GRM7: variants seen among roughly 807,000 people sequenced by gnomAD.
GRM7 encodes metabotropic glutamate receptor 7.
In GRM7, 35 loss-of-function variants were observed where a neutral mutation model predicts 84.5. The ratio of observed to expected loss-of-function variants is 0.41; its 90% confidence interval spans 0.32 to 0.55. GRM7 has a LOEUF of 0.55. GRM7 is among the 20% of genes least tolerant of loss of function. The pLI, the probability that GRM7 is intolerant of heterozygous loss-of-function variation, is 0.19. For missense variants in GRM7, 1,003 were observed against 1,194.6 expected, an observed-to-expected ratio of 0.84 and a Z score of 2.36; for synonymous variants, 487 against 455.1, an observed-to-expected ratio of 1.07 and a Z score of -0.89.
intron 1 of GRM7, among the ~76,000 whole-genome samples, chr3:6,885,781 A>C (rs1259897001): frequency 2.0e-5 from 3 of 152,366 alleles, no homozygotes; most frequent in East Asian, 3.9e-4. Flanking sequence ...TTGTAGCAGC[A>C]ACCTCATCTT....
chr3:6,933,293 C>G (rs1697574046), intron 1 of GRM7, among the ~76,000 whole-genome samples: 1 of 152,080 alleles, frequency 6.6e-6, no homozygotes, highest in Non-Finnish European at 1.5e-5. Context: ...GTTCATTCTC[C>G]TTGACTCAAT....
chr3:7,309,473 C>A (rs899162063), intron 4 of GRM7, among the ~76,000 whole-genome samples: 1 of 152,076 alleles, frequency 6.6e-6, no homozygotes, highest in Non-Finnish European at 1.5e-5. Context: ...TTCAAATATT[C>A]ATGATACTGC....
intron 2 of GRM7, among the ~76,000 whole-genome samples, chr3:7,253,642 A>G (rs1308055280): frequency 6.8e-6 from 1 of 146,296 alleles, no homozygotes; most frequent in Non-Finnish European, 1.5e-5. Flanking sequence ...AAAAAAAATC[A>G]CTAAATTCTC....
rs544625367 is a variant in GRM7, at chr3:7,361,771, G to A, written c.1034-53252G>A. 1.1e-4 allele frequency among the ~76,000 whole-genome samples: 16 copies of A among 152,226 alleles called. 1 individual carries two copies. The East Asian group carries it at 3.1e-3, about 29-fold the overall frequency. On this transcript the variant is annotated intron_variant, in intron 4 of 9. Transcript: ENST00000357716. ...ACAGAAAGTGAAGCAGCTCTTGAAT[G>A]TAAGAACTAATGGGTATTTTCTTCT...
chr3:7,589,974 C>G lies in GRM7; in HGVS notation c.2451+10617C>G, dbSNP rs184244473. ...TCATACAGGTCTAAAAAAAACCTGA[C>G]TAGTAGATGTACTGAAACAGCAACT... is the stretch of plus-strand genomic sequence containing the variant. On this transcript the variant is annotated intron_variant, in intron 8 of 9. Coordinates refer to ENST00000357716, the MANE Select transcript of GRM7 (RefSeq NM_000844.4). 1.5e-3 allele frequency among the ~76,000 whole-genome samples: 221 copies of G among 152,208 alleles called. 1 individual carries two copies. Among genetic ancestry groups the G allele is most frequent in the African/African-American group, 4.8e-3 (200 of 41,518 alleles).
At chr3:7,625,327 T>A (rs114047214) in intron 8 of GRM7, among the ~76,000 whole-genome samples, 1,622 of 151,960 alleles carry the variant, frequency 0.011, 29 homozygotes, top group African/African-American at 0.037. Flanking sequence ...AATTTAAAGT[T>A]CACAGTCTAG....
intron 7 of GRM7, among the ~76,000 whole-genome samples, chr3:7,545,243 T>C (rs1051318888): frequency 6.6e-6 from 1 of 152,382 alleles, no homozygotes; most frequent in South Asian, 2.1e-4. Context: ...CCTCTTTTTA[T>C]CTCTAACCTA....
chr3:7,543,643 T>C (rs2125017806), intron 7 of GRM7, among the ~76,000 whole-genome samples: 1 of 152,372 alleles, frequency 6.6e-6, no homozygotes, highest in African/African-American at 2.4e-5. Flanking sequence ...GAAAGATCCA[T>C]ACTTCTGATT....
At chr3:7,526,515 C>CA (rs763448593) in intron 7 of GRM7, among the ~76,000 whole-genome samples, 48 of 151,858 alleles carry the variant, frequency 3.2e-4, no homozygotes, top group Non-Finnish European at 6.2e-4. Context: ...TTTTGCTGTG[C>CA]AAAAGTTCTT....
chr3:7,256,122 T>G (rs1344778803), intron 2 of GRM7, among the ~76,000 whole-genome samples: 1 of 152,150 alleles, frequency 6.6e-6, no homozygotes, highest in Non-Finnish European at 1.5e-5. Flanking sequence ...GTCTGGTGTT[T>G]CCTCTCATTG....
chr3:7,302,931 A>ATTTTTTTTTTTTTTTTTTTTTTT lies in GRM7; in HGVS notation c.879-3565_879-3543dup, dbSNP rs761399796. Among the ~76,000 whole-genome samples, 18 of 121,934 alleles carry ATTTTTTTTTTTTTTTTTTTTTTT rather than the reference A, an allele frequency of 1.5e-4. 1 individual carries two copies. Among genetic ancestry groups the ATTTTTTTTTTTTTTTTTTTTTTT allele is most frequent in the African/African-American group, 2.9e-4 (8 of 27,184 alleles). 80.0% of individuals were successfully genotyped at this position (121,934 alleles called of 152,430 possible). On this transcript the variant is annotated intron_variant, in intron 3 of 9. Transcript: ENST00000357716. ...AGAAGTATTAACATTTGATTGTTCTATTTTTTTTTTTTTTTTTTTTTTTTG... is the reference window on the plus strand; with the variant it reads ...AGAAGTATTAACATTTGATTGTTCTATTTTTTTTTTTTTTTTTTTTTTTTTTTTTTTTTTTTTTTTTTTTTTTG...
chr3:7,125,193 G>A (rs1006465562), intron 1 of GRM7, among the ~76,000 whole-genome samples: 6 of 152,050 alleles, frequency 3.9e-5, no homozygotes, highest in Middle Eastern at 3.2e-3. Context: ...GCCTCTCTTG[G>A]CCTCCTAAGT....
At chr3:7,617,438 A>C (rs946874270) in intron 8 of GRM7, among the ~76,000 whole-genome samples, 3 of 151,622 alleles carry the variant, frequency 2.0e-5, no homozygotes, top group African/African-American at 7.2e-5. Context: ...ACAGCTAGAT[A>C]AAACAGCTAA....
chr3:7,596,738 A>G (rs1371652578), intron 8 of GRM7, among the ~76,000 whole-genome samples: 2 of 152,102 alleles, frequency 1.3e-5, no homozygotes, highest in Non-Finnish European at 2.9e-5. Context: ...GCCTGGCTAG[A>G]GTGGTGCTAG....
At chr3:7,468,183 G>A (rs936013258) in intron 7 of GRM7, among the ~76,000 whole-genome samples, 3 of 152,100 alleles carry the variant, frequency 2.0e-5, no homozygotes, top group African/African-American at 7.2e-5. Flanking sequence ...TATTACATGA[G>A]GTATGTAATA....
intron 7 of GRM7, among the ~76,000 whole-genome samples, chr3:7,473,483 CGAGAGGGAGAGAGAGAGAGAGAGAGAGA>C (rs1698788308): frequency 1.5e-5 from 1 of 66,192 alleles, no homozygotes; most frequent in Non-Finnish European, 3.2e-5. Context: ...CTCTTAAAAA[CGAGAGGGAGAGAGAGAGAGAGAGAGAGA>C]GAGAGAGAGA....
intron 6 of GRM7, among the ~76,000 whole-genome samples, chr3:7,453,187 C>T (rs1219935255): frequency 6.6e-6 from 1 of 152,074 alleles, no homozygotes; most frequent in Non-Finnish European, 1.5e-5. Context: ...AACAGGAATT[C>T]ACACAGAAGA....
intron 7 of GRM7, among the ~76,000 whole-genome samples, chr3:7,510,410 C>T (rs1700163541): frequency 6.6e-6 from 1 of 152,178 alleles, no homozygotes; most frequent in Admixed American, 6.5e-5. Context: ...TAAATTACAG[C>T]TGTATTCTCA....
At chr3:7,301,272 T>A (rs1699991421) in intron 3 of GRM7, among the ~76,000 whole-genome samples, 1 of 152,186 alleles carries the variant, frequency 6.6e-6, no homozygotes, top group South Asian at 2.1e-4. Context: ...TGATCATCCC[T>A]TAAATATATT....
Sources: allele counts gnomAD v4.1 joint callset (sites outside exome capture counted in the v4.1 genomes callset), GRCh38; gene constraint gnomAD v4.1.1; transcripts MANE v1.5; gene names NCBI Gene and HGNC (gene_info 2026-07-23, HGNC 2026-07-21).